GRID2: variants seen among roughly 807,000 people sequenced by gnomAD.
GRID2 encodes glutamate ionotropic receptor delta type subunit 2.
GRID2 carries 33 observed loss-of-function variants against 114.8 expected under a neutral mutation model. The ratio of observed to expected loss-of-function variants is 0.29; its 90% CI spans 0.22 to 0.38. The LOEUF (loss-of-function observed/expected upper bound fraction) is 0.38, where lower values mean the gene tolerates loss of function less well. Ranked by LOEUF, GRID2 falls within the 10% of genes least tolerant of loss-of-function variation. GRID2 has a pLI of 1.00. For synonymous variants in GRID2, 505 were observed against 449.9 expected (o/e 1.12, Z -1.55); for missense variants, 1,184 against 1,257.7 (o/e 0.94, Z 0.89).
rs534456302 is a variant in GRID2, at chr4:92,320,970, A to C, written c.88+16226A>C. On this transcript the variant is annotated intron_variant, in intron 1 of 15. Transcript: ENST00000282020. ...TGGAATCTTAGGTTGTCAAATATAAAATAAAAAGATAATTTTTATTTCTTG... is the reference window on the plus strand; with the variant it reads ...TGGAATCTTAGGTTGTCAAATATAACATAAAAAGATAATTTTTATTTCTTG... 7.9e-5 allele frequency among the ~76,000 whole-genome samples: 12 copies of C among 152,202 alleles called. 1 individual carries two copies. Among genetic ancestry groups the C allele is most frequent in the Non-Finnish European group, 1.5e-4 (10 of 68,032 alleles).
chr4:93,696,492 G>C (rs1727031858), intron 14 of GRID2, among the ~76,000 whole-genome samples: 1 of 152,058 alleles, frequency 6.6e-6, no homozygotes, highest in Non-Finnish European at 1.5e-5. Flanking sequence ...CTCCTCCCTT[G>C]GTGTTTACAA....
Position 93,450,421 on chromosome 4 carries a change from A to T in GRID2, c.1546-5241A>T, listed in dbSNP as rs1034078257. Among the ~76,000 whole-genome samples, 136 of 152,062 alleles carry T rather than the reference A, an allele frequency of 8.9e-4. 1 individual carries two copies. The highest frequency in any genetic ancestry group is 3.2e-3 in the African/African-American group (132 of 41,554). On this transcript the variant is annotated intron_variant, in intron 10 of 15. Transcript: ENST00000282020. ...TAAAATAATGCATGTAAAACACATG[A>T]TACTTGGTATATAGTAAGCACTAAC...
In GRID2 at chr4:92,472,218, C is replaced by CA. The variant is rs1268821937; in HGVS notation, c.89-117913_89-117912insA. Reference sequence around the variant, plus strand: ...AAAGTGCTGGGATTACAGGCGTGAGCCACCGCGCCCGGCCGTTATCCATAT... The same window carrying CA: ...AAAGTGCTGGGATTACAGGCGTGAGCACACCGCGCCCGGCCGTTATCCATAT... On this transcript the variant is annotated intron_variant, in intron 1 of 15. Coordinates refer to ENST00000282020, the MANE Select transcript of GRID2 (RefSeq NM_001510.4). Among the ~76,000 whole-genome samples the CA allele has an allele frequency of 9.9e-5, 6 of 60,886 alleles. 1 individual carries two copies. The highest frequency in any genetic ancestry group is 2.0e-4 in the African/African-American group (2 of 10,246). The allele number at this position is 60,886 out of a possible 152,430, so 39.9% of individuals were successfully genotyped here.
intron 4 of GRID2, among the ~76,000 whole-genome samples, chr4:93,159,728 A>C (rs1737513033): frequency 7.9e-6 from 1 of 126,470 alleles, no homozygotes; most frequent in South Asian, 2.4e-4. Context: ...GTTTCAGTGT[A>C]CTTCTAGAGA....
intron 2 of GRID2, among the ~76,000 whole-genome samples, chr4:92,762,614 T>A (rs929465073): frequency 6.6e-6 from 1 of 152,202 alleles, no homozygotes; most frequent in Admixed American, 6.5e-5. Flanking sequence ...TAGGATGTAG[T>A]GATGCCCCAC....
intron 4 of GRID2, among the ~76,000 whole-genome samples, chr4:93,179,831 G>A (rs1035816208): frequency 1.3e-4 from 20 of 152,052 alleles, no homozygotes; most frequent in African/African-American, 4.3e-4. Context: ...TCCTTCAAAC[G>A]ATGGGGGGAC....
chr4:92,796,773 A>C (rs1739898382), intron 2 of GRID2, among the ~76,000 whole-genome samples: 1 of 151,852 alleles, frequency 6.6e-6, no homozygotes, highest in East Asian at 2.0e-4. Flanking sequence ...AAATTATCAA[A>C]CCATCCTTTG....
chr4:92,782,152 G>T (rs1170149798), intron 2 of GRID2, among the ~76,000 whole-genome samples: 1 of 151,960 alleles, frequency 6.6e-6, no homozygotes, highest in East Asian at 1.9e-4. Context: ...AGATATGGCT[G>T]TTGTCCTCAA....
intron 2 of GRID2, among the ~76,000 whole-genome samples, chr4:92,836,485 G>A (rs1742467755): frequency 6.6e-6 from 1 of 151,930 alleles, no homozygotes; most frequent in South Asian, 2.1e-4. Context: ...CCACTTGGAT[G>A]GTACATGGCA....
At chr4:93,419,749 A>T (rs1768080475) in intron 9 of GRID2, among the ~76,000 whole-genome samples, 2 of 152,124 alleles carry the variant, frequency 1.3e-5, no homozygotes, top group South Asian at 4.1e-4. Context: ...AGACTTGTGC[A>T]AGGGATCTGT....
chr4:93,394,510 G>A (rs1293790378), intron 8 of GRID2, among the ~76,000 whole-genome samples: 1 of 151,830 alleles, frequency 6.6e-6, no homozygotes, highest in East Asian at 1.9e-4. Context: ...TTGTGGGGGA[G>A]ACTTGCCAGC....
intron 2 of GRID2, among the ~76,000 whole-genome samples, chr4:92,937,685 C>G (rs1219063557): frequency 6.8e-6 from 1 of 146,768 alleles, no homozygotes; most frequent in Non-Finnish European, 1.5e-5. Context: ...GGGCTCCTTG[C>G]CTTCCACTGG....
chr4:92,540,611 T>C (rs1319629488), intron 1 of GRID2, among the ~76,000 whole-genome samples: 1 of 152,170 alleles, frequency 6.6e-6, no homozygotes, highest in Non-Finnish European at 1.5e-5. Context: ...TTACACCAGT[T>C]AGAATGGCAA....
At chr4:93,058,100 A>T (rs1250901877) in intron 2 of GRID2, among the ~76,000 whole-genome samples, 1 of 67,044 alleles carries the variant, frequency 1.5e-5, no homozygotes, top group Non-Finnish European at 2.9e-5. Context: ...TGTGCATTGA[A>T]TTGCCAGATT....
At chr4:93,270,637 G>T (rs1751352606) in intron 8 of GRID2, among the ~76,000 whole-genome samples, 1 of 150,370 alleles carries the variant, frequency 6.7e-6, no homozygotes, top group South Asian at 2.1e-4. Flanking sequence ...GTTTTGTTTT[G>T]TTTTTTTTTG....
intron 2 of GRID2, among the ~76,000 whole-genome samples, chr4:92,832,476 C>T (rs1742182094): frequency 6.6e-6 from 1 of 152,028 alleles, no homozygotes; most frequent in Non-Finnish European, 1.5e-5. Flanking sequence ...TCACCGCAAC[C>T]TCCGCCTCCC....
At chr4:92,903,400 TCTC>T (rs2149482774) in intron 2 of GRID2, among the ~76,000 whole-genome samples, 1 of 152,092 alleles carries the variant, frequency 6.6e-6, no homozygotes, top group Admixed American at 6.5e-5. Flanking sequence ...TTTTCTTACT[TCTC>T]CTGTGCACAT....
chr4:92,871,366 C>A (rs563129214), intron 2 of GRID2, among the ~76,000 whole-genome samples: 3 of 151,640 alleles, frequency 2.0e-5, no homozygotes, highest in Admixed American at 6.6e-5. Flanking sequence ...CTTTAGGCCT[C>A]AGATTTTTTA....
chr4:93,622,071 G>A (rs1395653037), intron 13 of GRID2, among the ~76,000 whole-genome samples: 3 of 152,154 alleles, frequency 2.0e-5, no homozygotes, highest in Admixed American at 2.0e-4. Flanking sequence ...GTTTAAAACA[G>A]AAGATAATCA....
Sources: allele counts gnomAD v4.1 joint callset (sites outside exome capture counted in the v4.1 genomes callset), GRCh38; gene constraint gnomAD v4.1.1; transcripts MANE v1.5; gene names NCBI Gene and HGNC (gene_info 2026-07-23, HGNC 2026-07-21).